The following LGR6 variants were observed in gnomAD, a reference collection of about 807,000 sequenced individuals.
LGR6 encodes leucine rich repeat containing G protein-coupled receptor 6, also known as leucine-rich repeat-containing G protein-coupled receptor 6.
Under a neutral mutation model 69.4 loss-of-function variants are expected in LGR6, and 45 were observed. The ratio of observed to expected loss-of-function variants is 0.65; its 90% CI spans 0.51 to 0.83. The LOEUF is 0.83. Ranked by LOEUF, LGR6 falls within the 40% of genes least tolerant of loss-of-function variation. The pLI is 0.00. For missense variants in LGR6, 1,108 were observed against 1,246.7 expected (o/e 0.89, Z 1.68); for synonymous variants, 538 against 555.0 (o/e 0.97, Z 0.43).
intron 4 of LGR6, among the ~76,000 whole-genome samples, chr1:202,274,621 T>C (rs997075556): frequency 3.9e-5 from 6 of 152,216 alleles, no homozygotes. Context: ...ATCCAGGTTC[T>C]GATTTAGTAA....
intron 13 of LGR6, 139 bp from the exon 14 acceptor site, chr1:202,307,191 C>G: frequency 1.2e-6 from 1 of 831,856 alleles, no homozygotes; most frequent in Non-Finnish European, 2.0e-6. Context: ...TGGGCAGCAG[C>G]AGGTACCTTC....
chr1:202,243,344 G>A (rs1662370056), intron 4 of LGR6, among the ~76,000 whole-genome samples: 1 of 152,128 alleles, frequency 6.6e-6, no homozygotes, highest in South Asian at 2.1e-4. Flanking sequence ...GCTGCCTGGG[G>A]AGGTAGGGGA....
At chr1:202,245,314 G>T in intron 4 of LGR6, among the ~76,000 whole-genome samples, 1 of 128,042 alleles carries the variant, frequency 7.8e-6, no homozygotes. Flanking sequence ...TGGGTGGGCG[G>T]GTAGGCAGCC....
intron 2 of LGR6, among the ~76,000 whole-genome samples, chr1:202,225,887 C>T (rs899829867): frequency 2.5e-4 from 38 of 152,136 alleles, no homozygotes; most frequent in African/African-American, 8.9e-4. Flanking sequence ...TGCTACTGCC[C>T]CAGATGTCCC....
At chr1:202,288,636 G>A (rs907256799) in intron 6 of LGR6, among the ~76,000 whole-genome samples, 1 of 152,008 alleles carries the variant, frequency 6.6e-6, no homozygotes, top group Non-Finnish European at 1.5e-5. Context: ...TCTCCTCTGC[G>A]CCCTAGATGT....
Position 202,300,891 on chromosome 1 carries a change from C to T in LGR6, c.828C>T (p.Ala276=). The change falls in exon 8 of 18, where the codon GCC becomes GCT. Residue 276 remains alanine, a synonymous_variant. Transcript: ENST00000367278. The part of the protein sequence containing the change: ...NNNIKAIPEK[A]FMGNPLLQTI... ...ACATCAAGGCCATCCCAGAAAAGGC[C>T]TTCATGGGGAACCCTCTGCTACAGA... 6 of 1,612,730 alleles carry T rather than the reference C, an allele frequency of 3.7e-6. No homozygotes were observed. The highest frequency in any genetic ancestry group is 5.1e-6 in the Non-Finnish European group (6 of 1,179,432).
At position 202,314,885 on chromosome 1, in the gene LGR6, G is replaced by C. The variant is rs1383409871; in HGVS notation, c.1648+3G>C. On this transcript the variant is annotated splice_donor_region_variant and intron_variant, in intron 17 of 17. Coordinates refer to ENST00000367278, the MANE Select transcript of LGR6 (RefSeq NM_001017403.2). Reference sequence around the variant, plus strand: ...TGTCCAGTGTAGCCCTACTCCAGGTGAGGTGGTGTCTGGGGAATGGGGACG... The same window carrying C: ...TGTCCAGTGTAGCCCTACTCCAGGTCAGGTGGTGTCTGGGGAATGGGGACG... 1.9e-6 allele frequency: 3 copies of C among 1,612,052 alleles called. No homozygotes were observed. Among genetic ancestry groups the C allele is most frequent in the Non-Finnish European group, 2.5e-6 (3 of 1,178,060 alleles).
At chr1:202,304,423 C>A in intron 10 of LGR6, 136 bp from the exon 11 acceptor site, 1 of 521,464 alleles carries the variant, frequency 1.9e-6, no homozygotes, top group Non-Finnish European at 3.4e-6. Context: ...CACCCCCTGC[C>A]CTGTCTCTCC....
At chr1:202,203,653 A>C (rs930028370) in intron 1 of LGR6, 1 of 655,740 alleles carries the variant, frequency 1.5e-6, no homozygotes, top group Non-Finnish European at 2.7e-6. Flanking sequence ...AGACAAGCGC[A>C]AATAACTGTG....
At chr1:202,204,442 CACCTCCACACACACACA>C (rs1658974897) in intron 1 of LGR6, among the ~76,000 whole-genome samples, 1 of 92,132 alleles carries the variant, frequency 1.1e-5, no homozygotes, top group African/African-American at 4.0e-5. Context: ...CACACACACA[CACCTCCACACACACACA>C]CCTCCACACA....
At chr1:202,232,449 CT>C (rs1661166440) in intron 3 of LGR6, among the ~76,000 whole-genome samples, 2 of 152,178 alleles carry the variant, frequency 1.3e-5, no homozygotes, top group East Asian at 3.9e-4. Context: ...AAAACTACTG[CT>C]GCCTCATATT....
At chr1:202,317,514 T>C (rs1340060123) in intron 17 of LGR6, among the ~76,000 whole-genome samples, 1 of 151,996 alleles carries the variant, frequency 6.6e-6, no homozygotes, top group Admixed American at 6.6e-5. Flanking sequence ...CCAGCTAATT[T>C]TTTGTATTTG....
intron 6 of LGR6, among the ~76,000 whole-genome samples, chr1:202,292,250 T>G (rs1204687358): frequency 6.6e-6 from 1 of 152,202 alleles, no homozygotes; most frequent in Non-Finnish European, 1.5e-5. Context: ...AGTTTTGCAT[T>G]TTAAAAAGAT....
chr1:202,237,983 C>CAA (rs5780111), intron 4 of LGR6, among the ~76,000 whole-genome samples: 4 of 75,398 alleles, frequency 5.3e-5, no homozygotes, highest in African/African-American at 1.9e-4. Context: ...GGGGGATTTG[C>CAA]AAAAAAAAAA....
intron 4 of LGR6, among the ~76,000 whole-genome samples, chr1:202,259,830 G>A (rs1204233097): frequency 6.6e-6 from 1 of 151,976 alleles, no homozygotes; most frequent in African/African-American, 2.4e-5. Context: ...CCCTCTCTTT[G>A]TCCTGCAGCC....
At chr1:202,205,243 T>C in intron 1 of LGR6, among the ~76,000 whole-genome samples, 1 of 27,792 alleles carries the variant, frequency 3.6e-5, no homozygotes, top group African/African-American at 1.4e-4. Flanking sequence ...ACACACCTCC[T>C]TCAAACACAC....
chr1:202,212,974 C>T (rs1659519876), intron 1 of LGR6, among the ~76,000 whole-genome samples: 1 of 152,174 alleles, frequency 6.6e-6, no homozygotes, highest in South Asian at 2.1e-4. Flanking sequence ...CCCACAGGTA[C>T]TTGAGATTCC....
chr1:202,194,709 G>GA, intron 1 of LGR6: 3 of 274,090 alleles, frequency 1.1e-5, no homozygotes, highest in South Asian at 2.8e-5. Context: ...TGGGGGCGGG[G>GA]GGGGCGGGTT....
At chr1:202,290,241 G>C (rs1666697042) in intron 6 of LGR6, among the ~76,000 whole-genome samples, 1 of 152,176 alleles carries the variant, frequency 6.6e-6, no homozygotes, top group Non-Finnish European at 1.5e-5. Context: ...TAAGAGATTT[G>C]TTCAAGATGA....
Sources: allele counts gnomAD v4.1 joint callset (sites outside exome capture counted in the v4.1 genomes callset), GRCh38; gene constraint gnomAD v4.1.1; transcripts MANE v1.5; gene names NCBI Gene and HGNC (gene_info 2026-07-23, HGNC 2026-07-21).